The following KATNA1 variants were observed in gnomAD, a reference collection of about 807,000 sequenced individuals.
The protein encoded by KATNA1 is katanin catalytic subunit A1, also known as katanin p60 ATPase-containing subunit A1.
KATNA1 carries 42 observed loss-of-function variants against 62.6 expected under a neutral mutation model. The observed-to-expected ratio is 0.67, with a 90% CI of 0.52 to 0.87. The LOEUF (loss-of-function observed/expected upper bound fraction) is 0.87. KATNA1 is among the 40% of genes least tolerant of loss of function. KATNA1 has a pLI of 0.00. For missense variants in KATNA1, 498 were observed against 612.5 expected, an observed-to-expected ratio of 0.81 and a Z score of 1.97; for synonymous variants, 186 against 201.9, an observed-to-expected ratio of 0.92 and a Z score of 0.67.
At chr6:149,614,371 C>T (rs894006468) in intron 4 of KATNA1, among the ~76,000 whole-genome samples, 6 of 152,318 alleles carry the variant, frequency 3.9e-5, no homozygotes, top group Admixed American at 2.6e-4. Flanking sequence ...AAAGGGCCAC[C>T]GACCTTTTAT....
chr6:149,631,394 G>A (rs55979732), intron 3 of KATNA1: 10,777 of 152,056 alleles, frequency 0.071, 487 homozygotes, highest in South Asian at 0.11. Flanking sequence ...GTGAGACTCC[G>A]TCTCAAAAAA....
chr6:149,600,036 T>G (rs1778478326), intron 7 of KATNA1, among the ~76,000 whole-genome samples: 1 of 151,842 alleles, frequency 6.6e-6, no homozygotes, highest in African/African-American at 2.4e-5. Flanking sequence ...TTCATTACCC[T>G]AAGGACAATA....
intron 2 of KATNA1, among the ~76,000 whole-genome samples, chr6:149,634,399 C>A (rs1289304374): frequency 6.6e-6 from 1 of 152,098 alleles, no homozygotes; most frequent in Non-Finnish European, 1.5e-5. Flanking sequence ...GTGGCCCATG[C>A]CTGTAGTCCT....
At chr6:149,632,221 G>A (rs1304243972) in intron 3 of KATNA1, among the ~76,000 whole-genome samples, 3 of 151,812 alleles carry the variant, frequency 2.0e-5, no homozygotes, top group South Asian at 2.1e-4. Context: ...GTGAAACCCC[G>A]TCTCTACTAA....
At chr6:149,642,049 C>T (rs1780311516) in intron 1 of KATNA1, among the ~76,000 whole-genome samples, 1 of 152,130 alleles carries the variant, frequency 6.6e-6, no homozygotes, top group African/African-American at 2.4e-5. Context: ...ACTACAGGCG[C>T]TCACCACCAT....
intron 4 of KATNA1, among the ~76,000 whole-genome samples, chr6:149,617,750 T>C (rs1182395846): frequency 6.6e-6 from 1 of 151,590 alleles, no homozygotes; most frequent in Non-Finnish European, 1.5e-5. Flanking sequence ...GCCTGACCAA[T>C]ATGGTGAAAC....
chr6:149,628,384 C>T (rs1460518423), intron 3 of KATNA1, among the ~76,000 whole-genome samples: 3 of 149,282 alleles, frequency 2.0e-5, no homozygotes, highest in African/African-American at 7.4e-5. Flanking sequence ...GCTGGGATTA[C>T]AGGCGTGAGC....
At chr6:149,604,846 A>G in intron 4 of KATNA1, 64 bp from the exon 5 acceptor site, 1 of 1,505,984 alleles carries the variant, frequency 6.6e-7, no homozygotes, top group Admixed American at 1.8e-5. Context: ...AGTCGGAAAC[A>G]CAGATTGGAC....
At chr6:149,606,677 G>A (rs1479659919) in intron 4 of KATNA1, among the ~76,000 whole-genome samples, 2 of 149,488 alleles carry the variant, frequency 1.3e-5, no homozygotes, top group African/African-American at 4.9e-5. Context: ...GGAGTGCAGT[G>A]GCACGATCTT....
rs566416371 is a variant in KATNA1 at position 149,644,012 on chromosome 6, G to A, written c.-14+4457C>T. ...CAGGTTTTTGTTGTAACTACCAAGA[G>A]TTCGTAACCTTGTCCAGTTCCTGAC... On this transcript the variant is annotated intron_variant, in intron 1 of 10. Transcript: ENST00000367411. Among the ~76,000 whole-genome samples, 11 of 151,956 alleles carry A rather than the reference G, an allele frequency of 7.2e-5. No homozygotes were observed. The South Asian group carries it at 1.7e-3, about 23-fold the overall frequency.
chr6:149,639,231 A>G (rs1780192153), intron 1 of KATNA1, among the ~76,000 whole-genome samples: 1 of 151,924 alleles, frequency 6.6e-6, no homozygotes, highest in Non-Finnish European at 1.5e-5. Context: ...CCAGGGTAGC[A>G]GAGGTTGCAG....
At chr6:149,637,061 G>A (rs1427364946) in intron 2 of KATNA1, among the ~76,000 whole-genome samples, 8 of 151,974 alleles carry the variant, frequency 5.3e-5, no homozygotes, top group Admixed American at 6.6e-5. Flanking sequence ...TTAGTCCTCA[G>A]TAACTGAAGT....
intron 4 of KATNA1, among the ~76,000 whole-genome samples, chr6:149,605,455 C>T (rs1312383853): frequency 6.6e-6 from 1 of 152,118 alleles, no homozygotes; most frequent in Non-Finnish European, 1.5e-5. Context: ...CTTTAAACAC[C>T]TACTTGTCCC....
At chr6:149,630,454 C>T (rs918156326) in intron 3 of KATNA1, among the ~76,000 whole-genome samples, 3 of 152,120 alleles carry the variant, frequency 2.0e-5, no homozygotes, top group East Asian at 1.9e-4. Flanking sequence ...CACGGTGAAA[C>T]CCCGTCTCTA....
intron 3 of KATNA1, among the ~76,000 whole-genome samples, chr6:149,629,999 T>C (rs1013635831): frequency 1.3e-5 from 2 of 152,192 alleles, no homozygotes; most frequent in African/African-American, 4.8e-5. Context: ...CACACAGTAA[T>C]ATGCAATGAT....
At chr6:149,640,548 G>GTTTTGT (rs1200326094) in intron 1 of KATNA1, among the ~76,000 whole-genome samples, 1 of 151,542 alleles carries the variant, frequency 6.6e-6, no homozygotes, top group African/African-American at 2.4e-5. Flanking sequence ...GTTTTTTTGG[G>GTTTTGT]TTTTGTTTTT....
At chr6:149,617,850 C>T (rs1204731087) in intron 4 of KATNA1, among the ~76,000 whole-genome samples, 4 of 151,692 alleles carry the variant, frequency 2.6e-5, no homozygotes, top group Non-Finnish European at 5.9e-5. Context: ...GCAGGAGAAT[C>T]GCTTGAACCT....
chr6:149,629,690 C>T (rs62439808), intron 3 of KATNA1, among the ~76,000 whole-genome samples: 68,559 of 151,410 alleles, frequency 0.45, 16,605 homozygotes, highest in East Asian at 0.81. Flanking sequence ...TTTTTACAAC[C>T]ATTCAGTGCA....
intron 4 of KATNA1, among the ~76,000 whole-genome samples, chr6:149,618,312 T>C (rs1582778902): frequency 1.3e-5 from 2 of 151,712 alleles, no homozygotes. Flanking sequence ...ACCCCGTCTC[T>C]ACTAAAAATA....
Sources: allele counts gnomAD v4.1 joint callset (sites outside exome capture counted in the v4.1 genomes callset), GRCh38; gene constraint gnomAD v4.1.1; transcripts MANE v1.5; gene names NCBI Gene and HGNC (gene_info 2026-07-23, HGNC 2026-07-21).